The following RRAS2 variants were observed in gnomAD, a reference collection of about 807,000 sequenced individuals.
The protein encoded by RRAS2 is ras-related protein R-Ras2.
A neutral mutation model predicts 27.6 loss-of-function variants in RRAS2; 7 were observed. The ratio of observed to expected loss-of-function variants is 0.25; its 90% CI spans 0.14 to 0.48. The LOEUF is 0.48. Among genes scored for constraint, RRAS2 ranks in the 20% least tolerant of loss-of-function variants. The pLI is 0.99. For synonymous variants in RRAS2, 86 were observed against 90.9 expected, an observed-to-expected ratio of 0.95 and a Z score of 0.31; for missense variants, 178 against 256.2, an observed-to-expected ratio of 0.69 and a Z score of 2.08.
At chr11:14,307,239 A>C (rs549408770) in intron 1 of RRAS2, among the ~76,000 whole-genome samples, 47 of 151,202 alleles carry the variant, frequency 3.1e-4, no homozygotes, top group East Asian at 7.7e-4. Flanking sequence ...ACAACAACAA[A>C]AAAAAAGCAG....
chr11:14,330,895 A>T (rs945380520), intron 1 of RRAS2, among the ~76,000 whole-genome samples: 1 of 152,214 alleles, frequency 6.6e-6, no homozygotes, highest in African/African-American at 2.4e-5. Flanking sequence ...TATAGTTAAT[A>T]ACAGTGGCAA....
chr11:14,356,434 T>TAC (rs1554955434), intron 1 of RRAS2, among the ~76,000 whole-genome samples: 1 of 152,204 alleles, frequency 6.6e-6, no homozygotes, highest in South Asian at 2.1e-4. Context: ...GCATAAACAC[T>TAC]GATAACACCT....
At chr11:14,317,330 A>G (rs1314015102) in intron 1 of RRAS2, among the ~76,000 whole-genome samples, 1 of 152,260 alleles carries the variant, frequency 6.6e-6, no homozygotes, top group African/African-American at 2.4e-5. Context: ...CTGTAATCCC[A>G]GCACTTTGGG....
chr11:14,357,437 C>T (rs1408345838), intron 1 of RRAS2, among the ~76,000 whole-genome samples: 2 of 152,288 alleles, frequency 1.3e-5, no homozygotes, highest in East Asian at 1.9e-4. Flanking sequence ...CTGTAGCCTG[C>T]TAAACTTAAA....
rs1017059531 is a variant in RRAS2 at position 14,341,396 on chromosome 11, C to T, written c.108+17367G>A. Among the ~76,000 whole-genome samples the T allele has an allele frequency of 7.9e-5, 12 of 152,276 alleles. No individual in the cohort carries two copies. In the South Asian group the frequency reaches 8.3e-4, roughly 11 times the overall value. ...ATAGGAAACTAAAGGCAAAATTAATCATCAGTTCCTGTAACTACCAAGACA... is the reference window on the plus strand; with the variant it reads ...ATAGGAAACTAAAGGCAAAATTAATTATCAGTTCCTGTAACTACCAAGACA... On this transcript the variant is annotated intron_variant, in intron 1 of 5. Transcript: ENST00000256196.
intron 1 of RRAS2, among the ~76,000 whole-genome samples, chr11:14,344,830 C>T (rs1848794607): frequency 6.6e-6 from 1 of 152,144 alleles, no homozygotes; most frequent in Non-Finnish European, 1.5e-5. Flanking sequence ...CAAGATTCAA[C>T]GTGTATATGC....
chr11:14,317,279 C>A (rs1848128245), intron 1 of RRAS2, among the ~76,000 whole-genome samples: 1 of 152,166 alleles, frequency 6.6e-6, no homozygotes, highest in Non-Finnish European at 1.5e-5. Context: ...TGCAGAATAT[C>A]TGTATTAATA....
chr11:14,288,882 T>C (rs944720681), intron 4 of RRAS2, among the ~76,000 whole-genome samples: 50 of 152,214 alleles, frequency 3.3e-4, no homozygotes, highest in Admixed American at 1.6e-3. Flanking sequence ...ACATCTATTA[T>C]GTAAAAAGAA....
chr11:14,327,426 G>C (rs1165336636), intron 1 of RRAS2, among the ~76,000 whole-genome samples: 1 of 152,222 alleles, frequency 6.6e-6, no homozygotes, highest in Non-Finnish European at 1.5e-5. Context: ...TTGGGAGGAA[G>C]TGGGGATGGA....
intron 4 of RRAS2, 50 bp from the exon 5 acceptor site, chr11:14,281,770 GTTCC>G: frequency 6.9e-7 from 1 of 1,459,326 alleles, no homozygotes; most frequent in Non-Finnish European, 9.4e-7. Context: ...AACTGGATTT[GTTCC>G]ATCTAATCCT....
In RRAS2 at chr11:14,334,285, C is replaced by G. The variant is rs1044110603; in HGVS notation, c.108+24478G>C. Among the ~76,000 whole-genome samples, 4 of 151,950 alleles carry G rather than the reference C, an allele frequency of 2.6e-5. No homozygotes were observed. The East Asian group carries it at 7.7e-4, about 29-fold the overall frequency. On this transcript the variant is annotated intron_variant, in intron 1 of 5. Coordinates refer to ENST00000256196, the MANE Select transcript of RRAS2 (RefSeq NM_012250.6). ...AAAATCGTTTATTGTTTTACTTTGT[C>G]CTGGTTTTTTTTTCCTATTCAGTGA...
chr11:14,337,719 AG>A (rs1554952712), intron 1 of RRAS2, among the ~76,000 whole-genome samples: 2 of 152,182 alleles, frequency 1.3e-5, no homozygotes, highest in East Asian at 3.9e-4. Flanking sequence ...CCACAGTTTC[AG>A]GCATCTGCGG....
chr11:14,354,811 G>C (rs548403155), intron 1 of RRAS2, among the ~76,000 whole-genome samples: 97 of 151,490 alleles, frequency 6.4e-4, no homozygotes, highest in South Asian at 4.4e-3. Context: ...CGAGTAACTG[G>C]GATTACAAGC....
chr11:14,301,204 C>T (rs1468827190), intron 1 of RRAS2, among the ~76,000 whole-genome samples: 5 of 152,120 alleles, frequency 3.3e-5, no homozygotes, highest in Non-Finnish European at 7.3e-5. Context: ...ATCTGGGCAA[C>T]GTGTATATGG....
At chr11:14,331,407 A>G (rs1554951864) in intron 1 of RRAS2, among the ~76,000 whole-genome samples, 2 of 152,218 alleles carry the variant, frequency 1.3e-5, no homozygotes, top group African/African-American at 4.8e-5. Flanking sequence ...TACATTGCAA[A>G]TAACATTAAA....
chr11:14,281,826 GT>G, intron 4 of RRAS2, 106 bp from the exon 5 acceptor site: 2 of 939,146 alleles, frequency 2.1e-6, no homozygotes, highest in Non-Finnish European at 3.3e-6. Flanking sequence ...AGGCCAAGTT[GT>G]TTTATCATAA....
At chr11:14,297,831 T>C (rs1264243343) in intron 1 of RRAS2, among the ~76,000 whole-genome samples, 3 of 152,136 alleles carry the variant, frequency 2.0e-5, no homozygotes, top group African/African-American at 4.8e-5. Context: ...ATATCTATAA[T>C]CCTATTTGTT....
intron 1 of RRAS2, among the ~76,000 whole-genome samples, chr11:14,345,438 A>C (rs1554953940): frequency 6.6e-6 from 1 of 152,244 alleles, no homozygotes; most frequent in Non-Finnish European, 1.5e-5. Context: ...GACAAAGCAC[A>C]CCAAATATAT....
rs555174176 is a variant in RRAS2, at chr11:14,291,216, G to A, written c.408+3255C>T. Among the ~76,000 whole-genome samples the A allele has an allele frequency of 4.9e-4, 74 of 152,268 alleles. No homozygotes were observed. In the South Asian group the frequency reaches 0.015, roughly 32 times the overall value. Reference sequence around the variant, plus strand: ...GAAAGAGAAGAAAGTGTTACAGGTTGAAGAAAATGAGAAAGTATGTAAAAA... The same window carrying A: ...GAAAGAGAAGAAAGTGTTACAGGTTAAAGAAAATGAGAAAGTATGTAAAAA... On this transcript the variant is annotated intron_variant, in intron 4 of 5. Coordinates refer to ENST00000256196, the MANE Select transcript of RRAS2 (RefSeq NM_012250.6).
Sources: allele counts gnomAD v4.1 joint callset (sites outside exome capture counted in the v4.1 genomes callset), GRCh38; gene constraint gnomAD v4.1.1; transcripts MANE v1.5; gene names NCBI Gene and HGNC (gene_info 2026-07-23, HGNC 2026-07-21).